NEURL1: variants seen among roughly 807,000 people sequenced by gnomAD.
The protein encoded by NEURL1 is neuralized E3 ubiquitin protein ligase 1.
In NEURL1, 26 loss-of-function variants were observed where a neutral mutation model predicts 41.2. The ratio of observed to expected loss-of-function variants is 0.63; its 90% confidence interval spans 0.46 to 0.87. The LOEUF (loss-of-function observed/expected upper bound fraction) is 0.87, where lower values mean the gene tolerates loss of function less well. Among genes scored for constraint, NEURL1 ranks in the 40% least tolerant of loss-of-function variants. The pLI, the probability that NEURL1 is intolerant of heterozygous loss-of-function variation, is 0.00. For missense variants in NEURL1, 761 were observed against 871.1 expected (o/e 0.87, Z 1.59); for synonymous variants, 400 against 402.3 (o/e 0.99, Z 0.07).
At chr10:103,531,795 C>T (rs955722261) in intron 1 of NEURL1, among the ~76,000 whole-genome samples, 5 of 152,144 alleles carry the variant, frequency 3.3e-5, no homozygotes, top group Non-Finnish European at 5.9e-5. Context: ...GCTGGGATTA[C>T]AGGCATGAGC....
intron 1 of NEURL1, among the ~76,000 whole-genome samples, chr10:103,498,384 G>A (rs900082504): frequency 1.1e-4 from 16 of 152,068 alleles, no homozygotes; most frequent in South Asian, 2.1e-4. Context: ...CCGCCACCGC[G>A]CCCGGCTAAT....
rs952917109 is a variant in NEURL1 at position 103,556,297 on chromosome 10, T to A, written c.86-14575T>A. On this transcript the variant is annotated intron_variant, in intron 1 of 5. Transcript: ENST00000369780. This position sits in a 1 kb window ranked among gnomAD's most constrained non-coding sequence, Gnocchi z 4.4. ...GGCAGCAGACCCGGAGAAGCCTTCCTAGGGACTTGTGTGTCTTCCCTGGGC... is the reference window on the plus strand; with the variant it reads ...GGCAGCAGACCCGGAGAAGCCTTCCAAGGGACTTGTGTGTCTTCCCTGGGC... 1.3e-5 allele frequency among the ~76,000 whole-genome samples: 2 copies of A among 152,162 alleles called. No homozygotes were observed. The highest frequency in any genetic ancestry group is 2.9e-5 in the Non-Finnish European group (2 of 68,000).
chr10:103,546,037 T>C (rs1308096294), intron 1 of NEURL1, among the ~76,000 whole-genome samples: 1 of 152,242 alleles, frequency 6.6e-6, no homozygotes, highest in African/African-American at 2.4e-5. Flanking sequence ...AAGGTCTCAC[T>C]CTGTCAGCTA....
At position 103,584,999 on chromosome 10, in the gene NEURL1, T is replaced by A; in HGVS notation, c.1113T>A (p.Pro371=). ...DPGTLRPADL[P]FSPEALVDRK... ...GCACGCTGCGGCCGGCCGACCTGCC[T>A]TTCAGCCCTGAGGCCCTGGTGGACC... The change falls in exon 4 of 6, where the codon CCT becomes CCA. Residue 371 remains proline (P), a synonymous_variant. Transcript: ENST00000369780. The A allele has an allele frequency of 6.4e-7, 1 of 1,564,992 alleles. No homozygotes were observed. Among genetic ancestry groups the A allele is most frequent in the Non-Finnish European group, 8.6e-7 (1 of 1,164,044 alleles).
At chr10:103,571,216 C>G (rs542415497) in intron 2 of NEURL1, 103 bp downstream of exon 2, 8 of 1,178,490 alleles carry the variant, frequency 6.8e-6, no homozygotes, top group Non-Finnish European at 8.5e-6. Flanking sequence ...CCTGCTGCCA[C>G]CCCCAGCACC....
At chr10:103,555,509 T>A in intron 1 of NEURL1, 1 of 1,075,716 alleles carries the variant, frequency 9.3e-7, no homozygotes, top group Non-Finnish European at 1.2e-6. Flanking sequence ...GGCTTGGTCA[T>A]GCCCCTACTT....
chr10:103,525,643 C>T (rs1459740960), intron 1 of NEURL1, among the ~76,000 whole-genome samples: 3 of 152,122 alleles, frequency 2.0e-5, no homozygotes, highest in Non-Finnish European at 4.4e-5. Context: ...TGTGAGCCAT[C>T]GTGACTGTAA....
chr10:103,552,961 G>A (rs1308391059), intron 1 of NEURL1, among the ~76,000 whole-genome samples: 1 of 152,208 alleles, frequency 6.6e-6, no homozygotes, highest in Non-Finnish European at 1.5e-5. Flanking sequence ...CTGGGTGATG[G>A]GAAGGGGGCA....
intron 1 of NEURL1, among the ~76,000 whole-genome samples, chr10:103,532,696 C>CT (rs540103930): frequency 2.1e-3 from 308 of 148,320 alleles, no homozygotes; most frequent in Non-Finnish European, 3.5e-3. Flanking sequence ...TTAGAATTCT[C>CT]TTTTTTTTTT....
At position 103,590,907 on chromosome 10, in the gene NEURL1, A is replaced by AGCT. The variant is rs1484858607; in HGVS notation, c.*540_*542dup. On this transcript the variant is annotated 3_prime_UTR_variant, in exon 6 of 6. Coordinates refer to ENST00000369780, the MANE Select transcript of NEURL1 (RefSeq NM_004210.5). The stretch of plus-strand genomic sequence containing the variant: ...AACCGCCCTGGGCAGGCCGCTCCTG[A>AGCT]GCTGCTGTCTCCCTCTCTGACCTAT... 6.5e-6 allele frequency: 1 copy of AGCT among 154,900 alleles called. No individual in the cohort carries two copies. The highest frequency in any genetic ancestry group is 6.3e-5 in the Admixed American group (1 of 15,826). 9.6% of individuals were successfully genotyped at this position (154,900 alleles called of 1,614,324 possible).
Position 103,584,969 on chromosome 10 carries a change from C to T in NEURL1, c.1083C>T (p.Asp361=), listed in dbSNP as rs780405371. 1.3e-6 allele frequency: 2 copies of T among 1,525,424 alleles called. No individual in the cohort carries two copies. Among genetic ancestry groups the T allele is most frequent in the Non-Finnish European group, 1.7e-6 (2 of 1,145,404 alleles). The allele number at this position is 1,525,424 out of a possible 1,614,324, so 94.5% of individuals were successfully genotyped here. Residue 361 remains aspartate (D), a synonymous_variant, in exon 4 of 6, where the codon GAC becomes GAT. Transcript: ENST00000369780. ...GALSFGVTTC[D]PGTLRPADLP... ...TGTCGTTCGGCGTCACCACGTGCGACCCCGGCACGCTGCGGCCGGCCGACC... is the reference window on the plus strand; with the variant it reads ...TGTCGTTCGGCGTCACCACGTGCGATCCCGGCACGCTGCGGCCGGCCGACC...
chr10:103,532,759 A>G (rs948949005), intron 1 of NEURL1, among the ~76,000 whole-genome samples: 9 of 151,544 alleles, frequency 5.9e-5, no homozygotes, highest in South Asian at 2.1e-4. Context: ...ACTTTTTACA[A>G]TTTGACTATA....
chr10:103,497,037 G>A (rs779995270), intron 1 of NEURL1, among the ~76,000 whole-genome samples: 2 of 152,134 alleles, frequency 1.3e-5, no homozygotes, highest in Non-Finnish European at 2.9e-5. Flanking sequence ...CTGAAATGAA[G>A]GACAGAAGGT....
At chr10:103,546,821 G>A (rs1460848782) in intron 1 of NEURL1, among the ~76,000 whole-genome samples, 1 of 152,244 alleles carries the variant, frequency 6.6e-6, no homozygotes, top group East Asian at 1.9e-4. Flanking sequence ...AGAGGTGGGG[G>A]GAGACCAGGC....
In NEURL1 at chr10:103,508,549, T is replaced by C. The variant is rs149546362; in HGVS notation, c.85+14077T>C. ...CTCACCCACCCCTCCGCAAGTCCCATGCAGGAAACCCCCTCTTTGGAGGGC... is the reference window on the plus strand; with the variant it reads ...CTCACCCACCCCTCCGCAAGTCCCACGCAGGAAACCCCCTCTTTGGAGGGC... On this transcript the variant is annotated intron_variant, in intron 1 of 5. Transcript: ENST00000369780. This position sits in a 1 kb window ranked among gnomAD's most constrained non-coding sequence, Gnocchi z 4.3. Among the ~76,000 whole-genome samples, 90 of 152,278 alleles carry C rather than the reference T, an allele frequency of 5.9e-4. No individual in the cohort carries two copies. The highest frequency in any genetic ancestry group is 2.1e-3 in the African/African-American group (86 of 41,568).
At chr10:103,522,602 CAAAAAAAAAAA>C (rs528719693) in intron 1 of NEURL1, among the ~76,000 whole-genome samples, 1 of 106,732 alleles carries the variant, frequency 9.4e-6, no homozygotes. Context: ...AACTCCATTT[CAAAAAAAAAAA>C]AAAAAAAAAG....
intron 1 of NEURL1, among the ~76,000 whole-genome samples, chr10:103,532,920 C>CTTTTTTTTTTTTTTTTTTT: frequency 1.6e-5 from 1 of 63,570 alleles, no homozygotes; most frequent in Non-Finnish European, 2.6e-5. Context: ...TTCTCTTCTC[C>CTTTTTTTTTTTTTTTTTTT]TTTTTTTTTT....
In NEURL1 at chr10:103,590,377, T is replaced by C; in HGVS notation, c.*5T>C. 5 of 1,609,440 alleles carry C rather than the reference T, an allele frequency of 3.1e-6. No individual in the cohort carries two copies. The highest frequency in any genetic ancestry group is 4.3e-6 in the Non-Finnish European group (5 of 1,176,080). ...AAGACCTACCGCAGCTCCTAGCCCGTTGCGGTGGCCCATCCCGCATACCCA... is the reference window on the plus strand; with the variant it reads ...AAGACCTACCGCAGCTCCTAGCCCGCTGCGGTGGCCCATCCCGCATACCCA... On this transcript the variant is annotated 3_prime_UTR_variant, in exon 6 of 6. Coordinates refer to ENST00000369780, the MANE Select transcript of NEURL1 (RefSeq NM_004210.5).
intron 1 of NEURL1, among the ~76,000 whole-genome samples, chr10:103,533,088 G>A (rs2034607321): frequency 6.6e-6 from 1 of 151,456 alleles, no homozygotes; most frequent in Non-Finnish European, 1.5e-5. Flanking sequence ...CACCATGCCT[G>A]GCTATTTTTT....
Sources: allele counts gnomAD v4.1 joint callset (sites outside exome capture counted in the v4.1 genomes callset), GRCh38; gene constraint gnomAD v4.1.1; non-coding constraint Gnocchi (gnomAD v3.1); transcripts MANE v1.5; gene names NCBI Gene and HGNC (gene_info 2026-07-23, HGNC 2026-07-21).